Variants in PCMTD1 observed in about 807,000 individuals in gnomAD.
The protein encoded by PCMTD1 is protein-L-isoaspartate (D-aspartate) O-methyltransferase domain containing 1.
In PCMTD1, 12 loss-of-function variants were observed where a neutral mutation model predicts 37.6. The ratio of observed to expected loss-of-function variants is 0.32; its 90% confidence interval spans 0.20 to 0.52. The LOEUF (loss-of-function observed/expected upper bound fraction) is 0.52, where lower values mean the gene tolerates loss of function less well. Among genes scored for constraint, PCMTD1 ranks in the 20% least tolerant of loss-of-function variants. The pLI, the probability that PCMTD1 is intolerant of heterozygous loss-of-function variation, is 0.97. For synonymous variants in PCMTD1, 117 were observed against 135.8 expected (o/e 0.86, Z 0.96); for missense variants, 235 against 421.3 (o/e 0.56, Z 3.87).
At chr8:51,869,311 T>C (rs1393454489) in intron 1 of PCMTD1, among the ~76,000 whole-genome samples, 2 of 152,120 alleles carry the variant, frequency 1.3e-5, no homozygotes, top group African/African-American at 2.4e-5. Flanking sequence ...ATTTCAATCA[T>C]GGAAAAGTCA....
At chr8:51,834,581 A>C (rs2038041193) in intron 3 of PCMTD1, among the ~76,000 whole-genome samples, 1 of 135,540 alleles carries the variant, frequency 7.4e-6, no homozygotes, top group Non-Finnish European at 1.7e-5. Context: ...TAAAGTTAAT[A>C]TGATCATAGA....
chr8:51,831,081 C>T (rs546350826), intron 5 of PCMTD1, among the ~76,000 whole-genome samples: 2 of 152,000 alleles, frequency 1.3e-5, no homozygotes, highest in South Asian at 2.1e-4. Context: ...GTGGATCACT[C>T]GAGGTCAGGT....
At position 51,898,924 on chromosome 8, in the gene PCMTD1, C is replaced by A; in HGVS notation, c.-96+6G>T. On this transcript the variant is annotated splice_donor_region_variant and intron_variant, in intron 1 of 5. Transcript: ENST00000522514. ...GACCCCGAGCCCCCACTGGCGGCGGCGTTACCTGTGGCGCGGGCAGCGGCG... is the reference window on the plus strand; with the variant it reads ...GACCCCGAGCCCCCACTGGCGGCGGAGTTACCTGTGGCGCGGGCAGCGGCG... 2 of 1,353,122 alleles carry A rather than the reference C, an allele frequency of 1.5e-6. No homozygotes were observed. The highest frequency in any genetic ancestry group is 3.7e-5 in the South Asian group (2 of 54,568). 83.8% of individuals were successfully genotyped at this position (1,353,122 alleles called of 1,614,324 possible).
intron 1 of PCMTD1, among the ~76,000 whole-genome samples, chr8:51,884,108 T>C (rs1410244674): frequency 6.6e-6 from 1 of 152,210 alleles, no homozygotes; most frequent in Non-Finnish European, 1.5e-5. Flanking sequence ...TGAGATAAAA[T>C]GCCTTCTTTG....
chr8:51,823,354 G>T (rs1256901825), intron 5 of PCMTD1, among the ~76,000 whole-genome samples: 1 of 152,174 alleles, frequency 6.6e-6, no homozygotes, highest in Non-Finnish European at 1.5e-5. Flanking sequence ...TTCCCAGCTA[G>T]TCAGTAGGCT....
chr8:51,889,416 G>A (rs909700175), intron 1 of PCMTD1, among the ~76,000 whole-genome samples: 1 of 152,090 alleles, frequency 6.6e-6, no homozygotes, highest in African/African-American at 2.4e-5. Context: ...TTTTAGGGAT[G>A]GGAAACGAAG....
At chr8:51,826,070 T>C (rs1188798706) in intron 5 of PCMTD1, among the ~76,000 whole-genome samples, 2 of 152,168 alleles carry the variant, frequency 1.3e-5, no homozygotes, top group African/African-American at 4.8e-5. Flanking sequence ...CACATGTATG[T>C]TTACTGCAGC....
chr8:51,896,673 C>G (rs2039005877), intron 1 of PCMTD1, among the ~76,000 whole-genome samples: 1 of 152,068 alleles, frequency 6.6e-6, no homozygotes, highest in African/African-American at 2.4e-5. Context: ...GAAACCTCAT[C>G]TAAAAAAATA....
rs557166326 is a variant in PCMTD1 at position 51,825,696 on chromosome 8, G to A, written c.707-4978C>T. Among the ~76,000 whole-genome samples, 2 of 14,696 alleles carry A rather than the reference G, an allele frequency of 1.4e-4. 1 individual carries two copies. The highest frequency in any genetic ancestry group is 1.5e-4 in the African/African-American group (2 of 13,362). The allele number at this position is 14,696 out of a possible 152,430, so 9.6% of individuals were successfully genotyped here. On this transcript the variant is annotated intron_variant, in intron 5 of 5. Transcript: ENST00000522514. ...GGCCTGGGCGACAGAGCGAGACTCCGTCTCAAAAAAAAAAAAAAAAAAAAA... is the reference window on the plus strand; with the variant it reads ...GGCCTGGGCGACAGAGCGAGACTCCATCTCAAAAAAAAAAAAAAAAAAAAA...
At chr8:51,887,492 G>A (rs887566551) in intron 1 of PCMTD1, among the ~76,000 whole-genome samples, 3 of 151,890 alleles carry the variant, frequency 2.0e-5, no homozygotes, top group South Asian at 2.1e-4. Context: ...GGTAAATAAC[G>A]CAAGGTTATA....
intron 3 of PCMTD1, among the ~76,000 whole-genome samples, chr8:51,834,665 G>A (rs931155855): frequency 6.6e-6 from 1 of 152,068 alleles, no homozygotes; most frequent in African/African-American, 2.4e-5. Context: ...AAATAACACT[G>A]ATTTGAATCA....
chr8:51,831,708 T>C, intron 4 of PCMTD1, 141 bp from the exon 5 acceptor site: 1 of 751,974 alleles, frequency 1.3e-6, no homozygotes, highest in African/African-American at 1.8e-5. Flanking sequence ...CCAAATTAAT[T>C]CCATTTAAAT....
intron 1 of PCMTD1, among the ~76,000 whole-genome samples, chr8:51,881,187 C>T (rs949388269): frequency 6.6e-6 from 1 of 152,234 alleles, no homozygotes; most frequent in Non-Finnish European, 1.5e-5. Context: ...AGCCAATAAT[C>T]TCTCTTCTCC....
chr8:51,857,203 C>T (rs7008057), intron 2 of PCMTD1, among the ~76,000 whole-genome samples: 104,557 of 152,124 alleles, frequency 0.69, 42,388 homozygotes, highest in Non-Finnish European at 0.9. Flanking sequence ...TTCCTGCTTA[C>T]CAATTATTTC....
At chr8:51,864,904 A>C (rs988648797) in intron 1 of PCMTD1, among the ~76,000 whole-genome samples, 1 of 152,110 alleles carries the variant, frequency 6.6e-6, no homozygotes, top group Non-Finnish European at 1.5e-5. Flanking sequence ...AGTGAAACTA[A>C]GCGTTGGTTC....
chr8:51,829,511 C>T (rs1303106496), intron 5 of PCMTD1, among the ~76,000 whole-genome samples: 1 of 152,192 alleles, frequency 6.6e-6, no homozygotes, highest in Non-Finnish European at 1.5e-5. Flanking sequence ...CATGTATTTA[C>T]AGGTAGACTC....
At chr8:51,857,888 A>G (rs2129285593) in intron 2 of PCMTD1, among the ~76,000 whole-genome samples, 1 of 152,312 alleles carries the variant, frequency 6.6e-6, no homozygotes, top group Non-Finnish European at 1.5e-5. Context: ...GCTACTCAGG[A>G]AGCTGAGGCG....
chr8:51,874,615 CCAAA>C (rs760451871), intron 1 of PCMTD1, among the ~76,000 whole-genome samples: 33 of 13,290 alleles, frequency 2.5e-3, no homozygotes, highest in East Asian at 0.014. Flanking sequence ...TAAATAGCAG[CCAAA>C]CAGTGTAAAA....
intron 5 of PCMTD1, chr8:51,827,403 T>C (rs920578033): frequency 1.6e-6 from 1 of 617,744 alleles, no homozygotes; most frequent in African/African-American, 1.9e-5. Flanking sequence ...AAGCAATTCA[T>C]ATGTTTTAAA....
Sources: allele counts gnomAD v4.1 joint callset (sites outside exome capture counted in the v4.1 genomes callset), GRCh38; gene constraint gnomAD v4.1.1; transcripts MANE v1.5; gene names NCBI Gene and HGNC (gene_info 2026-07-23, HGNC 2026-07-21).